SLC16A7: variants seen among roughly 807,000 people sequenced by gnomAD.
SLC16A7 encodes the protein monocarboxylate transporter 2.
Under a neutral mutation model 34.9 loss-of-function variants are expected in SLC16A7, and 33 were observed. The observed-to-expected ratio is 0.94, with a 90% CI of 0.72 to 1.26. The LOEUF is 1.26. SLC16A7 is among the 50% of genes most tolerant of loss of function. The pLI is 0.00. For synonymous variants in SLC16A7, 201 were observed against 206.6 expected, an observed-to-expected ratio of 0.97 and a Z score of 0.23; for missense variants, 573 against 578.1, an observed-to-expected ratio of 0.99 and a Z score of 0.09.
At chr12:59,617,296 A>G (rs1172485510) in intron 1 of SLC16A7, among the ~76,000 whole-genome samples, 2 of 151,976 alleles carry the variant, frequency 1.3e-5, no homozygotes, top group Admixed American at 6.6e-5. Flanking sequence ...ATAAAATCCT[A>G]CTTGATATTG....
At chr12:59,695,809 A>G (rs964693361) in intron 2 of SLC16A7, among the ~76,000 whole-genome samples, 16 of 152,208 alleles carry the variant, frequency 1.1e-4, no homozygotes, top group African/African-American at 3.9e-4. Context: ...ATTCAGCACC[A>G]TATTTAAATT....
At chr12:59,635,894 G>C (rs1341302237) in intron 1 of SLC16A7, among the ~76,000 whole-genome samples, 2 of 151,328 alleles carry the variant, frequency 1.3e-5, no homozygotes, top group East Asian at 3.9e-4. Flanking sequence ...GAAATCAGTA[G>C]TATTCAGAAA....
chr12:59,716,908 T>G (rs192884819), intron 3 of SLC16A7, among the ~76,000 whole-genome samples: 7 of 152,280 alleles, frequency 4.6e-5, no homozygotes, highest in African/African-American at 1.7e-4. Context: ...TAAAGTATCT[T>G]TTTGGTTCTA....
At chr12:59,651,771 ATCATTCAC>A (rs1282026657) in intron 1 of SLC16A7, among the ~76,000 whole-genome samples, 1 of 152,182 alleles carries the variant, frequency 6.6e-6, no homozygotes, top group Non-Finnish European at 1.5e-5. Context: ...TTGATCATTA[ATCATTCAC>A]TCTAAGTTCT....
intron 3 of SLC16A7, among the ~76,000 whole-genome samples, chr12:59,762,404 A>T (rs889067364): frequency 6.6e-6 from 1 of 152,018 alleles, no homozygotes; most frequent in Non-Finnish European, 1.5e-5. Flanking sequence ...GTTATGACAC[A>T]TTGTGAATTG....
intron 1 of SLC16A7, among the ~76,000 whole-genome samples, chr12:59,624,139 AACCT>A (rs1356357885): frequency 1.3e-5 from 2 of 151,552 alleles, no homozygotes; most frequent in Admixed American, 6.6e-5. Context: ...AAAATCATTG[AACCT>A]ACCAGCCAAC....
chr12:59,667,899 G>C (rs1209153964), intron 2 of SLC16A7, among the ~76,000 whole-genome samples: 1 of 152,210 alleles, frequency 6.6e-6, no homozygotes, highest in Non-Finnish European at 1.5e-5. Flanking sequence ...CTGCATCCCA[G>C]CCATGGCTAA....
intron 3 of SLC16A7, among the ~76,000 whole-genome samples, chr12:59,730,862 C>T (rs763773853): frequency 1.3e-5 from 2 of 152,126 alleles, no homozygotes; most frequent in Non-Finnish European, 2.9e-5. Context: ...GCTCTCAAGT[C>T]TCTTCACCAC....
chr12:59,665,367 T>C (rs1196967605), intron 2 of SLC16A7, among the ~76,000 whole-genome samples: 2 of 152,084 alleles, frequency 1.3e-5, no homozygotes, highest in Admixed American at 1.3e-4. Flanking sequence ...GTATTTCATA[T>C]TATAATGCCA....
intron 3 of SLC16A7, among the ~76,000 whole-genome samples, chr12:59,721,973 A>G (rs1356962133): frequency 1.3e-5 from 2 of 151,830 alleles, no homozygotes. Flanking sequence ...TCTCCTTTCC[A>G]TATATACTTG....
intron 2 of SLC16A7, among the ~76,000 whole-genome samples, chr12:59,699,985 G>A (rs1364053547): frequency 6.6e-6 from 1 of 151,652 alleles, no homozygotes; most frequent in Non-Finnish European, 1.5e-5. Flanking sequence ...GTCCCTAAGA[G>A]TAATGCTGAA....
At chr12:59,722,854 C>G (rs866300896) in intron 3 of SLC16A7, among the ~76,000 whole-genome samples, 4 of 151,972 alleles carry the variant, frequency 2.6e-5, no homozygotes, top group Middle Eastern at 3.4e-3. Flanking sequence ...ATAGAACTTT[C>G]TGTGGTGATA....
intron 3 of SLC16A7, among the ~76,000 whole-genome samples, chr12:59,709,288 T>C (rs1592545859): frequency 6.6e-6 from 1 of 151,510 alleles, no homozygotes; most frequent in Non-Finnish European, 1.5e-5. Context: ...TGGTAACTTA[T>C]TTTTCTGTTT....
At chr12:59,722,494 A>G (rs1054028186) in intron 3 of SLC16A7, among the ~76,000 whole-genome samples, 8 of 150,394 alleles carry the variant, frequency 5.3e-5, no homozygotes, top group Non-Finnish European at 7.4e-5. Flanking sequence ...CTAATTATCT[A>G]CTCTCCCTGC....
chr12:59,736,069 C>A, intron 3 of SLC16A7: 1 of 247,736 alleles, frequency 4.0e-6, no homozygotes. Flanking sequence ...AGACACCATA[C>A]AACTGTGAGA....
intron 1 of SLC16A7, among the ~76,000 whole-genome samples, chr12:59,597,405 A>G (rs192299006): frequency 7.6e-4 from 115 of 152,288 alleles, no homozygotes; most frequent in Non-Finnish European, 1.2e-3. Flanking sequence ...GCGGACAATG[A>G]TGAAAGTGAT....
Position 59,724,901 on chromosome 12 carries a change from A to G in SLC16A7, c.217+19883A>G, listed in dbSNP as rs186649544. 7.0e-4 allele frequency among the ~76,000 whole-genome samples: 107 copies of G among 152,128 alleles called. 1 individual carries two copies. Among genetic ancestry groups the G allele is most frequent in the Admixed American group, 1.8e-3 (28 of 15,266 alleles). ...TCTTTATCCTTGAAATGAAGGTAATAATAGAAAATTTTTGGTTTGTGAAAA... is the reference window on the plus strand; with the variant it reads ...TCTTTATCCTTGAAATGAAGGTAATGATAGAAAATTTTTGGTTTGTGAAAA... On this transcript the variant is annotated intron_variant, in intron 3 of 5. Coordinates refer to ENST00000547379, the MANE Select transcript of SLC16A7 (RefSeq NM_001270623.2).
intron 1 of SLC16A7, among the ~76,000 whole-genome samples, chr12:59,644,474 C>T (rs924510313): frequency 3.3e-5 from 5 of 151,882 alleles, no homozygotes; most frequent in East Asian, 1.9e-4. Context: ...GGCTGAGGCA[C>T]GAGAATTGCT....
chr12:59,719,230 G>C (rs1010515306), intron 3 of SLC16A7, among the ~76,000 whole-genome samples: 2 of 152,056 alleles, frequency 1.3e-5, no homozygotes, highest in Non-Finnish European at 2.9e-5. Flanking sequence ...GTTTGTTTTT[G>C]AAACAGACAA....
Sources: allele counts gnomAD v4.1 joint callset (sites outside exome capture counted in the v4.1 genomes callset), GRCh38; gene constraint gnomAD v4.1.1; transcripts MANE v1.5; gene names NCBI Gene and HGNC (gene_info 2026-07-23, HGNC 2026-07-21).